The following LRRTM4 variants were observed in gnomAD, a reference collection of about 807,000 sequenced individuals.
LRRTM4 encodes the protein leucine rich repeat transmembrane neuronal 4.
LRRTM4 carries 25 observed loss-of-function variants against 47.6 expected under a neutral mutation model. That is an observed-to-expected ratio of 0.53 (90% CI 0.38 to 0.73). The LOEUF is 0.73. Among genes scored for constraint, LRRTM4 ranks in the 30% least tolerant of loss-of-function variants. The probability of loss-of-function intolerance (pLI) is 0.00; values close to 1 mark genes in which losing one functional copy is unlikely to be tolerated. For missense variants in LRRTM4, 638 were observed against 713.4 expected (o/e 0.89, Z 1.20); for synonymous variants, 311 against 269.5 (o/e 1.15, Z -1.51).
chr2:77,087,205 A>G (rs1261135325), intron 3 of LRRTM4, among the ~76,000 whole-genome samples: 3 of 152,192 alleles, frequency 2.0e-5, no homozygotes, highest in Non-Finnish European at 4.4e-5. Context: ...GCATACATAC[A>G]CAAATACACA....
chr2:76,882,134 G>C (rs1454799765), intron 3 of LRRTM4, among the ~76,000 whole-genome samples: 3 of 152,028 alleles, frequency 2.0e-5, no homozygotes, highest in Admixed American at 6.5e-5. Context: ...GAGAATTTCA[G>C]GCTAAGTTTT....
At chr2:76,848,331 A>C (rs1418008679) in intron 3 of LRRTM4, among the ~76,000 whole-genome samples, 1 of 152,132 alleles carries the variant, frequency 6.6e-6, no homozygotes, top group African/African-American at 2.4e-5. Context: ...TGAAAACAAT[A>C]GCTTTATCTA....
At chr2:77,031,353 T>G (rs1025423649) in intron 3 of LRRTM4, among the ~76,000 whole-genome samples, 6 of 152,228 alleles carry the variant, frequency 3.9e-5, no homozygotes, top group African/African-American at 1.2e-4. Flanking sequence ...GCTTTATGTC[T>G]TTATTTCATT....
chr2:77,355,848 T>C (rs1482523234), intron 3 of LRRTM4, among the ~76,000 whole-genome samples: 1 of 152,178 alleles, frequency 6.6e-6, no homozygotes, highest in Non-Finnish European at 1.5e-5. Flanking sequence ...ATCCCAGCAC[T>C]TTGGGAGGCC....
chr2:76,827,218 G>A (rs1449132167), intron 3 of LRRTM4, among the ~76,000 whole-genome samples: 1 of 151,776 alleles, frequency 6.6e-6, no homozygotes, highest in Non-Finnish European at 1.5e-5. Flanking sequence ...GTAAAATAAT[G>A]AACAGAAAGT....
At chr2:77,351,691 G>T (rs1416528512) in intron 3 of LRRTM4, among the ~76,000 whole-genome samples, 1 of 149,850 alleles carries the variant, frequency 6.7e-6, no homozygotes, top group Non-Finnish European at 1.5e-5. Flanking sequence ...AATTACATGA[G>T]CATAGAGAAA....
chr2:76,927,241 C>T (rs1034698745), intron 3 of LRRTM4, among the ~76,000 whole-genome samples: 1 of 152,032 alleles, frequency 6.6e-6, no homozygotes, highest in Non-Finnish European at 1.5e-5. Context: ...CATGACCACC[C>T]TAGGAATTAC....
intron 3 of LRRTM4, among the ~76,000 whole-genome samples, chr2:77,347,724 G>T (rs1286623729): frequency 4.6e-5 from 7 of 151,876 alleles, no homozygotes; most frequent in African/African-American, 1.5e-4. Context: ...CTGTTAAATT[G>T]CTATAAAAGT....
intron 3 of LRRTM4, among the ~76,000 whole-genome samples, chr2:77,267,556 T>G (rs1476849784): frequency 6.6e-6 from 1 of 152,152 alleles, no homozygotes; most frequent in African/African-American, 2.4e-5. Flanking sequence ...TACCTCCCAT[T>G]AGGCCTCACT....
At chr2:77,456,493 G>A (rs1676547448) in intron 3 of LRRTM4, among the ~76,000 whole-genome samples, 1 of 151,960 alleles carries the variant, frequency 6.6e-6, no homozygotes, top group Non-Finnish European at 1.5e-5. Flanking sequence ...CTCATTCATT[G>A]ACTTCACTCT....
chr2:77,362,166 A>AAAGG (rs1369234710), intron 3 of LRRTM4, among the ~76,000 whole-genome samples: 1 of 110,376 alleles, frequency 9.1e-6, no homozygotes, highest in Non-Finnish European at 1.7e-5. Context: ...AGAAAGAAAG[A>AAAGG]AAGAAAGGAA....
intron 3 of LRRTM4, among the ~76,000 whole-genome samples, chr2:77,044,974 T>C (rs1679186844): frequency 6.6e-6 from 1 of 151,746 alleles, no homozygotes; most frequent in Non-Finnish European, 1.5e-5. Flanking sequence ...TATATCTGGG[T>C]AGTAGGAATG....
intron 3 of LRRTM4, among the ~76,000 whole-genome samples, chr2:76,919,711 A>G (rs1442244749): frequency 6.6e-6 from 1 of 152,152 alleles, no homozygotes; most frequent in East Asian, 1.9e-4. Context: ...TTTTACAGCC[A>G]TTTTACTTGG....
At chr2:76,887,038 GTTA>G (rs1673099724) in intron 3 of LRRTM4, among the ~76,000 whole-genome samples, 1 of 151,772 alleles carries the variant, frequency 6.6e-6, no homozygotes, top group Non-Finnish European at 1.5e-5. Context: ...ATGCATTGCT[GTTA>G]TTATTGCTTC....
intron 3 of LRRTM4, among the ~76,000 whole-genome samples, chr2:77,275,371 A>G (rs1475203526): frequency 6.9e-6 from 1 of 145,584 alleles, no homozygotes; most frequent in Non-Finnish European, 1.5e-5. Flanking sequence ...AATTAGTGCT[A>G]CATAAATACT....
intron 3 of LRRTM4, among the ~76,000 whole-genome samples, chr2:77,150,476 G>A (rs553801683): frequency 7.2e-5 from 11 of 152,190 alleles, no homozygotes; most frequent in East Asian, 5.8e-4. Context: ...GAGAGACACC[G>A]ATTGACTGAC....
intron 3 of LRRTM4, among the ~76,000 whole-genome samples, chr2:76,998,246 C>A (rs1011085311): frequency 1.3e-5 from 2 of 152,030 alleles, no homozygotes; most frequent in Admixed American, 1.3e-4. Context: ...ATACAATACA[C>A]TGCCTGCTAT....
At chr2:77,281,169 C>G (rs1053264182) in intron 3 of LRRTM4, among the ~76,000 whole-genome samples, 1 of 151,808 alleles carries the variant, frequency 6.6e-6, no homozygotes, top group African/African-American at 2.4e-5. Context: ...TTCCGAGTGC[C>G]CCTCTATCCT....
intron 3 of LRRTM4, among the ~76,000 whole-genome samples, chr2:77,460,829 C>T (rs1676760200): frequency 6.6e-6 from 1 of 151,988 alleles, no homozygotes; most frequent in Non-Finnish European, 1.5e-5. Context: ...TTGCTCTCAC[C>T]CCAGTTGAGC....
Sources: allele counts gnomAD v4.1 joint callset (sites outside exome capture counted in the v4.1 genomes callset), GRCh38; gene constraint gnomAD v4.1.1; transcripts MANE v1.5; gene names NCBI Gene and HGNC (gene_info 2026-07-23, HGNC 2026-07-21).